Variants in REEP1 observed in about 807,000 individuals in gnomAD.
The protein encoded by REEP1 is receptor accessory protein 1.
REEP1 carries 22 observed loss-of-function variants against 40.3 expected under a neutral mutation model. That is an observed-to-expected ratio of 0.55 (90% CI 0.39 to 0.78). The LOEUF (loss-of-function observed/expected upper bound fraction) is 0.78. Among genes scored for constraint, REEP1 ranks in the 30% least tolerant of loss-of-function variants. The pLI, the probability that REEP1 is intolerant of heterozygous loss-of-function variation, is 0.00. For missense variants in REEP1, 280 were observed against 361.1 expected, an observed-to-expected ratio of 0.78 and a Z score of 1.82; for synonymous variants, 116 against 139.2, an observed-to-expected ratio of 0.83 and a Z score of 1.17.
chr2:86,263,138 G>A (rs1261000642), intron 3 of REEP1, among the ~76,000 whole-genome samples: 1 of 152,194 alleles, frequency 6.6e-6, no homozygotes, highest in Non-Finnish European at 1.5e-5. Flanking sequence ...TAAGCAAAGT[G>A]AGAACTCTCA....
chr2:86,330,723 C>T (rs970942876), intron 1 of REEP1, among the ~76,000 whole-genome samples: 4 of 152,068 alleles, frequency 2.6e-5, no homozygotes, highest in South Asian at 2.1e-4. Context: ...TGGGATTACA[C>T]GGTCAGCCAC....
chr2:86,221,431 CT>C (rs1674421601), intron 7 of REEP1, among the ~76,000 whole-genome samples: 1 of 152,168 alleles, frequency 6.6e-6, no homozygotes, highest in Non-Finnish European at 1.5e-5. Context: ...CTTCCCTCAG[CT>C]TATTTACTCT....
chr2:86,298,553 G>C (rs1028360839), intron 1 of REEP1, among the ~76,000 whole-genome samples: 1 of 152,236 alleles, frequency 6.6e-6, no homozygotes, highest in African/African-American at 2.4e-5. Context: ...CTCAAGCATT[G>C]TTTATCCCCA....
intron 1 of REEP1, among the ~76,000 whole-genome samples, chr2:86,326,667 A>G (rs1177691607): frequency 1.3e-5 from 2 of 152,130 alleles, no homozygotes; most frequent in Non-Finnish European, 1.5e-5. Flanking sequence ...AGCCAAGATC[A>G]TGCCATTGCA....
chr2:86,300,747 T>A lies in REEP1; in HGVS notation c.33-18505A>T, dbSNP rs565397121. Among the ~76,000 whole-genome samples the A allele has an allele frequency of 2.0e-5, 3 of 152,196 alleles. No homozygotes were observed. In the East Asian group the frequency reaches 5.8e-4, roughly 29 times the overall value. On this transcript the variant is annotated intron_variant, in intron 1 of 8. Transcript: ENST00000538924. The stretch of plus-strand genomic sequence containing the variant: ...TAAGGCCAGTTGGTTTTATCTATCT[T>A]GGTTCATGTAACCAAAACCAAAAAA...
At chr2:86,334,181 G>A (rs1453414825) in intron 1 of REEP1, among the ~76,000 whole-genome samples, 2 of 152,196 alleles carry the variant, frequency 1.3e-5, no homozygotes, top group South Asian at 2.1e-4. Flanking sequence ...AAATGCTCAC[G>A]GCCAGTAGCA....
intron 1 of REEP1, among the ~76,000 whole-genome samples, chr2:86,317,623 A>G (rs949782357): frequency 6.6e-6 from 1 of 152,218 alleles, no homozygotes; most frequent in African/African-American, 2.4e-5. Flanking sequence ...ACCAAACTCC[A>G]CCTGTCACCA....
chr2:86,296,894 T>C (rs1274869970), intron 1 of REEP1, among the ~76,000 whole-genome samples: 1 of 152,136 alleles, frequency 6.6e-6, no homozygotes, highest in African/African-American at 2.4e-5. Context: ...AATACATCAG[T>C]TCATTTAACA....
chr2:86,223,167 C>T (rs1157820164), intron 7 of REEP1, among the ~76,000 whole-genome samples: 2 of 152,198 alleles, frequency 1.3e-5, no homozygotes, highest in Non-Finnish European at 2.9e-5. Flanking sequence ...GGGTTTCTGC[C>T]GTCTTCCACA....
chr2:86,267,215 C>G (rs2104322712), intron 2 of REEP1, among the ~76,000 whole-genome samples: 1 of 152,222 alleles, frequency 6.6e-6, no homozygotes, highest in Admixed American at 6.5e-5. Context: ...AGAGGAGGGA[C>G]TTGGTGGGAG....
intron 2 of REEP1, among the ~76,000 whole-genome samples, chr2:86,276,337 A>AT (rs556794622): frequency 6.6e-6 from 1 of 151,768 alleles, no homozygotes; most frequent in Non-Finnish European, 1.5e-5. Context: ...TGGAATATTC[A>AT]TTTTTTCTGC....
At chr2:86,249,405 A>G (rs1474529337) in intron 5 of REEP1, among the ~76,000 whole-genome samples, 1 of 152,138 alleles carries the variant, frequency 6.6e-6, no homozygotes. Context: ...CTCAAGGTTA[A>G]GGCTTCCAAG....
chr2:86,258,743 G>T (rs1210208136), intron 3 of REEP1, among the ~76,000 whole-genome samples: 1 of 152,202 alleles, frequency 6.6e-6, no homozygotes, highest in Non-Finnish European at 1.5e-5. Flanking sequence ...TTTGTAATGA[G>T]AACTCCTTGA....
intron 1 of REEP1, among the ~76,000 whole-genome samples, chr2:86,308,917 T>G (rs950471334): frequency 1.3e-5 from 2 of 152,194 alleles, no homozygotes; most frequent in African/African-American, 4.8e-5. Context: ...AACTAGGGAC[T>G]GGAGAGTCCT....
rs3731817 is a variant in REEP1 at position 86,215,425 on chromosome 2, C to G, written c.*1614G>C. 1 of 152,376 alleles carries G rather than the reference C, an allele frequency of 6.6e-6. No individual in the cohort carries two copies. Among genetic ancestry groups the G allele is most frequent in the Non-Finnish European group, 1.5e-5 (1 of 68,024 alleles). 9.4% of individuals were successfully genotyped at this position (152,376 alleles called of 1,614,324 possible). On this transcript the variant is annotated 3_prime_UTR_variant, in exon 9 of 9. Transcript: ENST00000538924. ...AGCAAAGGCCTCTAATATGTGTTTG[C>G]GTAGTAATGGAACAGTTTTTAATTG...
At chr2:86,297,104 C>T (rs1242776229) in intron 1 of REEP1, among the ~76,000 whole-genome samples, 1 of 152,216 alleles carries the variant, frequency 6.6e-6, no homozygotes, top group Non-Finnish European at 1.5e-5. Context: ...ACTGTGCTAC[C>T]AACCACCCAC....
chr2:86,337,341 A>T lies in REEP1; in HGVS notation c.32+138T>A. ...CCGCCCGCAGGCGTCCTCGGCGGCTACTGTACCTGCTAAATTTAGCTGCGC... is the reference window on the plus strand; with the variant it reads ...CCGCCCGCAGGCGTCCTCGGCGGCTTCTGTACCTGCTAAATTTAGCTGCGC... On this transcript the variant is annotated intron_variant, in intron 1 of 8. Transcript: ENST00000538924. This position sits in a 1 kb window ranked among gnomAD's most constrained non-coding sequence, Gnocchi z 5.8. 1 of 420,826 alleles carries T rather than the reference A, an allele frequency of 2.4e-6. No individual in the cohort carries two copies. Among genetic ancestry groups the T allele is most frequent in the Non-Finnish European group, 3.6e-6 (1 of 275,498 alleles). 26.1% of individuals were successfully genotyped at this position (420,826 alleles called of 1,614,324 possible). A position where few individuals can be genotyped will look rare whatever the true frequency, so the allele number is the denominator to read the frequency against.
intron 1 of REEP1, among the ~76,000 whole-genome samples, chr2:86,285,388 T>G (rs575334537): frequency 6.6e-6 from 1 of 152,260 alleles, no homozygotes; most frequent in African/African-American, 2.4e-5. Flanking sequence ...ACAGGCCTTA[T>G]GTAGTAGCAG....
At chr2:86,277,373 T>C (rs1677818284) in intron 2 of REEP1, among the ~76,000 whole-genome samples, 1 of 151,920 alleles carries the variant, frequency 6.6e-6, no homozygotes, top group Non-Finnish European at 1.5e-5. Flanking sequence ...CTGGCCAACA[T>C]GGTGAAACCC....
Sources: gnomAD v4.1 joint callset for allele counts (sites outside exome capture counted in the v4.1 genomes callset) on GRCh38, gnomAD v4.1.1 for gene constraint, Gnocchi (gnomAD v3.1) non-coding constraint, MANE v1.5 for transcripts, NCBI Gene and HGNC (gene_info 2026-07-23, HGNC 2026-07-21) for gene names.